Variants in ZC4H2 observed in about 807,000 individuals in gnomAD.
The protein encoded by ZC4H2 is zinc finger C4H2 domain-containing protein.
For synonymous variants in ZC4H2, 84 were observed against 66.3 expected (o/e 1.27, Z -1.30); for missense variants, 137 against 173.9 (o/e 0.79, Z 1.19).
intron 1 of ZC4H2, among the ~76,000 whole-genome samples, chrX:65,027,079 T>C (rs181280238): frequency 1.8e-5 from 2 of 112,133 alleles, no homozygotes; most frequent in African/African-American, 6.5e-5. Context: ...CACATAACAT[T>C]AAAAACTTCT....
At chrX:64,967,914 G>A (rs763190896) in intron 1 of ZC4H2, among the ~76,000 whole-genome samples, 31 of 111,668 alleles carry the variant, frequency 2.8e-4, no homozygotes, top group Non-Finnish European at 1.1e-4. Flanking sequence ...GGCCATAAGC[G>A]GGGCTCAATC....
At chrX:64,978,381 G>C (rs1932012239), upstream of ZC4H2, among the ~76,000 whole-genome samples, 1 of 112,050 alleles carries the variant, frequency 8.9e-6, no homozygotes, top group Non-Finnish European at 1.9e-5. Flanking sequence ...TTGCTATCTT[G>C]TACAGCCACT....
intron 1 of ZC4H2, among the ~76,000 whole-genome samples, chrX:65,006,801 C>G (rs1000600318): frequency 8.9e-6 from 1 of 112,105 alleles, no homozygotes; most frequent in African/African-American, 3.2e-5. Context: ...CAGCATATAA[C>G]TGTATTTTAA....
chrX:65,016,009 T>G (rs1397930299), intron 1 of ZC4H2, among the ~76,000 whole-genome samples: 1 of 111,997 alleles, frequency 8.9e-6, no homozygotes, highest in Non-Finnish European at 1.9e-5. Flanking sequence ...AAAAAGTTCA[T>G]TTTTAAAATG....
intron 1 of ZC4H2, among the ~76,000 whole-genome samples, chrX:64,975,054 G>A (rs1348395467): frequency 9.2e-6 from 1 of 108,582 alleles, no homozygotes. Context: ...AGTGGGAAAA[G>A]GAATACCTTT....
chrX:65,033,990 G>A (rs1057398653), intron 1 of ZC4H2, among the ~76,000 whole-genome samples: 2 of 108,496 alleles, frequency 1.8e-5, no homozygotes, highest in African/African-American at 6.8e-5. Flanking sequence ...TTGGGAGGCT[G>A]AAGCAGGAGA....
intron 1 of ZC4H2, among the ~76,000 whole-genome samples, chrX:64,946,581 G>GCACACACACACA (rs61275459): frequency 1.0e-5 from 1 of 95,880 alleles, no homozygotes; most frequent in African/African-American, 3.8e-5. Context: ...TTAAATGCGT[G>GCACACACACACA]CACACACACA....
At chrX:64,998,889 T>C (rs1932469562) in intron 1 of ZC4H2, among the ~76,000 whole-genome samples, 1 of 110,246 alleles carries the variant, frequency 9.1e-6, no homozygotes, top group South Asian at 3.8e-4. Flanking sequence ...TTTTTTAAAT[T>C]GATTTTGTCT....
intron 1 of ZC4H2, among the ~76,000 whole-genome samples, chrX:64,984,723 C>A (rs1452971959): frequency 8.9e-6 from 1 of 112,028 alleles, no homozygotes; most frequent in Non-Finnish European, 1.9e-5. Flanking sequence ...CTTGTGGCTA[C>A]TTTGTTAGTT....
chrX:65,025,145 C>CTTTTTTTTTTTTTTTT (rs1177199868), intron 1 of ZC4H2, among the ~76,000 whole-genome samples: 1 of 73,729 alleles, frequency 1.4e-5, no homozygotes, highest in African/African-American at 5.9e-5. Flanking sequence ...TTGTTTTTTG[C>CTTTTTTTTTTTTTTTT]TTTTTTTTTT....
At chrX:65,022,835 T>G (rs1042887399) in intron 1 of ZC4H2, among the ~76,000 whole-genome samples, 1 of 112,253 alleles carries the variant, frequency 8.9e-6, no homozygotes, top group Admixed American at 9.4e-5. Flanking sequence ...TGCTCATGGA[T>G]AGGAAGAATC....
intron 1 of ZC4H2, among the ~76,000 whole-genome samples, chrX:64,952,138 C>G (rs986153413): frequency 5.4e-5 from 6 of 110,510 alleles, no homozygotes; most frequent in Non-Finnish European, 1.1e-4. Flanking sequence ...TCTGAGGGCT[C>G]TGTTCTGTTC....
chrX:64,948,394 T>C (rs1312325415), intron 1 of ZC4H2, among the ~76,000 whole-genome samples: 12 of 111,944 alleles, frequency 1.1e-4, no homozygotes, highest in African/African-American at 3.9e-4. Context: ...TGAGGATTTT[T>C]ACGTTCTACC....
intron 1 of ZC4H2, among the ~76,000 whole-genome samples, chrX:64,952,610 A>C (rs1930910744): frequency 9.0e-6 from 1 of 111,357 alleles, no homozygotes; most frequent in Non-Finnish European, 1.9e-5. Context: ...CCAACTTACA[A>C]GAGATGTGAA....
At chrX:65,012,243 AAAAG>A (rs756822500) in intron 1 of ZC4H2, among the ~76,000 whole-genome samples, 5,988 of 97,974 alleles carry the variant, frequency 0.061, 263 homozygotes, top group Non-Finnish European at 0.1. Flanking sequence ...AAAAAAAAAA[AAAAG>A]AAAGAAAGAA....
At chrX:65,014,807 T>C (rs1310887418) in intron 1 of ZC4H2, among the ~76,000 whole-genome samples, 1 of 112,330 alleles carries the variant, frequency 8.9e-6, no homozygotes. Context: ...AAAGAACATT[T>C]ATGAACATAT....
chrX:64,953,120 T>TG (rs752680896), intron 1 of ZC4H2, among the ~76,000 whole-genome samples: 1 of 111,302 alleles, frequency 9.0e-6, no homozygotes, highest in Non-Finnish European at 1.9e-5. Context: ...GCTAGCCATA[T>TG]TAGAAAGCTG....
intron 1 of ZC4H2, among the ~76,000 whole-genome samples, chrX:65,030,122 C>A (rs771098122): frequency 1.4e-3 from 150 of 110,846 alleles, no homozygotes; most frequent in African/African-American, 4.7e-3. Flanking sequence ...TTTTATTTTT[C>A]TTTTTTATTT....
chrX:64,962,041 G>A (rs1218988765), intron 1 of ZC4H2, among the ~76,000 whole-genome samples: 3 of 111,257 alleles, frequency 2.7e-5, no homozygotes, highest in African/African-American at 6.5e-5. Context: ...GTGAAGAGGC[G>A]ACACTTCCAA....
Sources: gnomAD v4.1 joint callset for allele counts (sites outside exome capture counted in the v4.1 genomes callset) on GRCh38, gnomAD v4.1.1 for gene constraint, MANE v1.5 for transcripts, NCBI Gene and HGNC (gene_info 2026-07-23, HGNC 2026-07-21) for gene names.